RBKS: variants seen among roughly 807,000 people sequenced by gnomAD.
RBKS encodes the protein ribokinase.
RBKS carries 33 observed loss-of-function variants against 33.9 expected under a neutral mutation model. That is an observed-to-expected ratio of 0.97 (90% confidence interval 0.74 to 1.30). The LOEUF is 1.30. RBKS is among the 50% of genes most tolerant of loss of function. The pLI is 0.00. For synonymous variants in RBKS, 125 were observed against 143.0 expected (o/e 0.87, Z 0.90); for missense variants, 361 against 392.6 (o/e 0.92, Z 0.68).
chr2:27,807,301 C>A (rs545573304), intron 7 of RBKS, among the ~76,000 whole-genome samples: 1 of 152,330 alleles, frequency 6.6e-6, no homozygotes, highest in African/African-American at 2.4e-5. Context: ...ATGGAGGTAA[C>A]ACCCACATTA....
At chr2:27,854,842 T>C (rs934760982) in intron 2 of RBKS, among the ~76,000 whole-genome samples, 5 of 152,126 alleles carry the variant, frequency 3.3e-5, no homozygotes, top group Non-Finnish European at 5.9e-5. Context: ...TTGATGGGTT[T>C]GAATACATGC....
intron 6 of RBKS, 22 bp from the exon 7 acceptor site, chr2:27,827,777 A>C: frequency 6.5e-7 from 1 of 1,542,788 alleles, no homozygotes; most frequent in Non-Finnish European, 8.7e-7. Context: ...AAAAGTCAAC[A>C]GAAACAGTGG....
intron 7 of RBKS, among the ~76,000 whole-genome samples, chr2:27,808,526 T>C (rs1677934345): frequency 6.6e-6 from 1 of 152,204 alleles, no homozygotes; most frequent in Non-Finnish European, 1.5e-5. Flanking sequence ...TCAACCTACC[T>C]CACAGGTTGG....
At chr2:27,844,502 C>T (rs1663582195) in intron 4 of RBKS, among the ~76,000 whole-genome samples, 1 of 152,112 alleles carries the variant, frequency 6.6e-6, no homozygotes, top group Admixed American at 6.6e-5. Flanking sequence ...AATCAACTCT[C>T]CCACCTAAGC....
intron 7 of RBKS, among the ~76,000 whole-genome samples, chr2:27,783,101 T>C (rs961150048): frequency 1.3e-5 from 2 of 152,200 alleles, no homozygotes; most frequent in African/African-American, 4.8e-5. Context: ...CTGTGTCCCT[T>C]TGACATACGC....
At chr2:27,865,304 A>G (rs559276063) in intron 1 of RBKS, among the ~76,000 whole-genome samples, 19 of 152,170 alleles carry the variant, frequency 1.2e-4, no homozygotes, top group Non-Finnish European at 2.6e-4. Flanking sequence ...TGGGCGACAG[A>G]GCGAGACTCC....
At chr2:27,801,988 A>ATTT (rs1558536532) in intron 7 of RBKS, among the ~76,000 whole-genome samples, 6 of 86,890 alleles carry the variant, frequency 6.9e-5, no homozygotes, top group African/African-American at 2.8e-4. Context: ...ATATATATAT[A>ATTT]TATATTTTTT....
intron 7 of RBKS, among the ~76,000 whole-genome samples, chr2:27,815,205 T>G (rs1008093560): frequency 6.6e-6 from 1 of 151,490 alleles, no homozygotes; most frequent in African/African-American, 2.4e-5. Flanking sequence ...CTCTAGGTGG[T>G]TTTTTTTCCC....
At chr2:27,859,391 T>C (rs1355787665) in intron 1 of RBKS, among the ~76,000 whole-genome samples, 1 of 152,182 alleles carries the variant, frequency 6.6e-6, no homozygotes, top group Non-Finnish European at 1.5e-5. Flanking sequence ...TCAGCTTCTC[T>C]AAGAGGTAAG....
intron 7 of RBKS, 106 bp downstream of exon 7, chr2:27,827,461 T>C (rs1379186733): frequency 2.1e-6 from 2 of 969,006 alleles, no homozygotes; most frequent in Admixed American, 3.0e-5. Flanking sequence ...CCATATCACT[T>C]ACTAGGGCTT....
intron 1 of RBKS, among the ~76,000 whole-genome samples, chr2:27,888,560 T>C (rs1448839536): frequency 3.3e-5 from 5 of 152,384 alleles, no homozygotes; most frequent in African/African-American, 4.8e-5. Flanking sequence ...TTATGAATTT[T>C]TGATGAAACT....
intron 1 of RBKS, among the ~76,000 whole-genome samples, chr2:27,882,290 T>C (rs1052426953): frequency 1.3e-5 from 2 of 152,086 alleles, no homozygotes; most frequent in South Asian, 2.1e-4. Flanking sequence ...AAAGAAGACA[T>C]ACATTTTATT....
chr2:27,853,429 C>T (rs1442181016), intron 2 of RBKS, among the ~76,000 whole-genome samples: 2 of 150,618 alleles, frequency 1.3e-5, no homozygotes, highest in Non-Finnish European at 2.9e-5. Flanking sequence ...GAGGCCAAGG[C>T]AGGCAGATTG....
chr2:27,853,938 A>G (rs528829326), intron 2 of RBKS, among the ~76,000 whole-genome samples: 1 of 152,222 alleles, frequency 6.6e-6, no homozygotes, highest in Non-Finnish European at 1.5e-5. Flanking sequence ...TATTACCTGG[A>G]AAGACCTGGT....
intron 7 of RBKS, among the ~76,000 whole-genome samples, chr2:27,814,369 G>A (rs1678048079): frequency 6.6e-6 from 1 of 152,140 alleles, no homozygotes; most frequent in Non-Finnish European, 1.5e-5. Context: ...TGAGTCAATG[G>A]ATGTTCATGA....
chr2:27,847,106 T>G lies in RBKS; in HGVS notation c.287-2A>C, dbSNP rs1208530437. On this transcript the variant is annotated splice_acceptor_variant, in intron 3 of 7. Coordinates refer to ENST00000302188, the MANE Select transcript of RBKS (RefSeq NM_022128.3). LOFTEE classifies it high-confidence loss of function. ...CATCTTTAGTCTGATATGTAAATTC[T>G]GAAAGAAAAAAGAAAATTACAATCA... 1 of 1,584,472 alleles carries G rather than the reference T, an allele frequency of 6.3e-7. No homozygotes were observed. The highest frequency in any genetic ancestry group is 1.3e-5 in the African/African-American group (1 of 74,194).
intron 1 of RBKS, among the ~76,000 whole-genome samples, chr2:27,888,789 TAA>T (rs11298702): frequency 6.6e-6 from 1 of 151,596 alleles, no homozygotes; most frequent in Non-Finnish European, 1.5e-5. Context: ...AAAATGTTGT[TAA>T]AAAAAAATGT....
chr2:27,865,307 G>A (rs999465156), intron 1 of RBKS, among the ~76,000 whole-genome samples: 15 of 152,088 alleles, frequency 9.9e-5, no homozygotes, highest in Non-Finnish European at 1.8e-4. Context: ...GCGACAGAGC[G>A]AGACTCCTTC....
chr2:27,802,491 G>A (rs930426186), intron 7 of RBKS, among the ~76,000 whole-genome samples: 27 of 151,978 alleles, frequency 1.8e-4, no homozygotes, highest in African/African-American at 6.3e-4. Flanking sequence ...CACGGGGGAA[G>A]AGGGAGGGTG....
Sources: gnomAD v4.1 joint callset for allele counts (sites outside exome capture counted in the v4.1 genomes callset) on GRCh38, gnomAD v4.1.1 for gene constraint, MANE v1.5 for transcripts, NCBI Gene and HGNC (gene_info 2026-07-23, HGNC 2026-07-21) for gene names.